DNAH7: variants seen among roughly 807,000 people sequenced by gnomAD.
DNAH7 encodes axonemal beta dynein heavy chain 7.
DNAH7 carries 397 observed loss-of-function variants against 444.6 expected under a neutral mutation model. That is an observed-to-expected ratio of 0.89 (90% CI 0.82 to 0.97). The LOEUF is 0.97. Among genes scored for constraint, DNAH7 ranks in the 50% least tolerant of loss-of-function variants. The pLI, the probability that DNAH7 is intolerant of heterozygous loss-of-function variation, is 0.00. For synonymous variants in DNAH7, 1,636 were observed against 1,624.4 expected (o/e 1.01, Z -0.17); for missense variants, 4,902 against 4,800.8 (o/e 1.02, Z -0.62).
At chr2:195,973,085 T>C (rs571949452) in intron 15 of DNAH7, among the ~76,000 whole-genome samples, 1 of 152,168 alleles carries the variant, frequency 6.6e-6, no homozygotes, top group African/African-American at 2.4e-5. Flanking sequence ...GAGGGCTGCA[T>C]GTGGAGAGAA....
At chr2:196,017,004 ATTTAAT>A (rs1165364509) in intron 9 of DNAH7, among the ~76,000 whole-genome samples, 1 of 152,084 alleles carries the variant, frequency 6.6e-6, no homozygotes, top group Non-Finnish European at 1.5e-5. Context: ...TTATTATTTT[ATTTAAT>A]TTTAATTTTA....
Position 195,883,453 on chromosome 2 carries a change from C to CCT in DNAH7, c.5763+1131_5763+1132insAG, listed in dbSNP as rs58086865. Among the ~76,000 whole-genome samples, 61 of 135,316 alleles carry CCT rather than the reference C, an allele frequency of 4.5e-4. 1 individual carries two copies. Among genetic ancestry groups the CCT allele is most frequent in the African/African-American group, 1.9e-3 (59 of 31,244 alleles). 88.8% of individuals were successfully genotyped at this position (135,316 alleles called of 152,430 possible). On this transcript the variant is annotated intron_variant, in intron 35 of 64. Transcript: ENST00000312428. ...ACACAGCGAGACTCAGTCCCCGCTC[C>CCT]CCCCCCCCAAAAAAAAAGAATCAGA...
At chr2:195,891,832 A>G (rs1702031525) in intron 30 of DNAH7, 28 bp from the exon 31 acceptor site, 2 of 1,519,524 alleles carry the variant, frequency 1.3e-6, no homozygotes, top group South Asian at 2.6e-5. Flanking sequence ...ACATTTATTT[A>G]TGTAAAGAAT....
chr2:195,951,038 TC>T (rs1690218138), intron 19 of DNAH7, among the ~76,000 whole-genome samples: 1 of 152,064 alleles, frequency 6.6e-6, no homozygotes, highest in East Asian at 1.9e-4. Context: ...AGGGTGTCTG[TC>T]GATTTTAGAT....
chr2:195,852,891 T>TACACACAC (rs4014237), intron 46 of DNAH7, among the ~76,000 whole-genome samples: 238 of 139,032 alleles, frequency 1.7e-3, no homozygotes, highest in African/African-American at 6.3e-3. Flanking sequence ...GCTGATGAAG[T>TACACACAC]ACACACACAC....
At chr2:195,882,751 T>C (rs1157855475) in intron 35 of DNAH7, among the ~76,000 whole-genome samples, 1 of 152,200 alleles carries the variant, frequency 6.6e-6, no homozygotes, top group Non-Finnish European at 1.5e-5. Context: ...CAGAATAAAA[T>C]CTAAATTCTT....
Position 195,778,649 on chromosome 2 carries a change from T to A in DNAH7, c.10879-664A>T, listed in dbSNP as rs867287661. Among the ~76,000 whole-genome samples the A allele has an allele frequency of 2.9e-3, 178 of 62,118 alleles. 19 individuals carry two copies. Among genetic ancestry groups the A allele is most frequent in the African/African-American group, 6.6e-3 (69 of 10,520 alleles). The allele number at this position is 62,118 out of a possible 152,430, so 40.8% of individuals were successfully genotyped here. On this transcript the variant is annotated intron_variant, in intron 58 of 64. Transcript: ENST00000312428. ...AAAAAAAAATAAATAAATAAATATA[T>A]ATATATATATATATATATATACACA...
intron 5 of DNAH7, among the ~76,000 whole-genome samples, chr2:196,030,026 A>C (rs1022319365): frequency 2.0e-5 from 3 of 152,176 alleles, no homozygotes; most frequent in Admixed American, 6.5e-5. Flanking sequence ...ATATTTCACA[A>C]ATTTCTGGAA....
At chr2:195,963,883 T>A (rs1343322844) in intron 17 of DNAH7, among the ~76,000 whole-genome samples, 1 of 152,246 alleles carries the variant, frequency 6.6e-6, no homozygotes, top group South Asian at 2.1e-4. Context: ...TCCCAAAGTA[T>A]GTCCTTGGCA....
At chr2:195,973,287 G>A (rs866565768) in intron 15 of DNAH7, among the ~76,000 whole-genome samples, 2 of 152,102 alleles carry the variant, frequency 1.3e-5, no homozygotes, top group Non-Finnish European at 2.9e-5. Context: ...AATACTTCTG[G>A]ACTACCATTC....
rs377538802 is a variant in DNAH7, at chr2:195,857,382, A to T, written c.8409T>A (p.Tyr2803Ter). Reference sequence around the variant, plus strand: ...TTCTTTTTATCAGCACTTACTTATCATATGAATCCATTGCTATGACCCATT... The same window carrying T: ...TTCTTTTTATCAGCACTTACTTATCTTATGAATCCATTGCTATGACCCATT... ...LCKWVIAMDS[Y>*]DKVAKIVAPK... The change falls in exon 44 of 65, where the codon TAT becomes TAA. Residue 2803 changes from tyrosine to a stop codon, truncating the protein, a stop_gained. Coordinates refer to ENST00000312428, the MANE Select transcript of DNAH7 (RefSeq NM_018897.3). LOFTEE classifies it high-confidence loss of function. 1.9e-6 allele frequency: 3 copies of T among 1,567,334 alleles called. No homozygotes were observed. Among genetic ancestry groups the T allele is most frequent in the Non-Finnish European group, 2.6e-6 (3 of 1,163,084 alleles).
At chr2:195,785,664 G>C (rs762844657) in intron 58 of DNAH7, among the ~76,000 whole-genome samples, 16 of 146,686 alleles carry the variant, frequency 1.1e-4, no homozygotes, top group Non-Finnish European at 2.1e-4. Context: ...TGCATCTATC[G>C]ATATGATCAT....
intron 9 of DNAH7, among the ~76,000 whole-genome samples, chr2:196,016,239 A>G (rs1471403146): frequency 6.6e-6 from 1 of 152,204 alleles, no homozygotes; most frequent in Non-Finnish European, 1.5e-5. Context: ...GTGGATATAA[A>G]AAAAAACGAT....
At position 195,809,819 on chromosome 2, in the gene DNAH7, G is replaced by A. The variant is rs771631595; in HGVS notation, c.9814C>T (p.Arg3272Trp). The change falls in exon 52 of 65, where the codon CGG (arginine) becomes TGG (tryptophan). Residue 3272 changes from arginine to tryptophan, a missense_variant. Arg to Trp is a moderately radical substitution (Grantham distance 101). Transcript: ENST00000312428. ...AGCTTATCCTTTTCAAAGAGTGACC[G>A]GCAGACATTAACATACAGTGAATAA... ...FTYSLYVNVC[R>W]SLFEKDKLLF... The A allele has an allele frequency of 2.3e-5, 37 of 1,597,064 alleles. No individual in the cohort carries two copies. In the Middle Eastern group the frequency reaches 6.6e-4, roughly 29 times the overall value.
chr2:195,939,819 A>G (rs953826060), intron 19 of DNAH7, among the ~76,000 whole-genome samples: 3 of 151,962 alleles, frequency 2.0e-5, no homozygotes, highest in African/African-American at 4.8e-5. Flanking sequence ...CATTTCTGCT[A>G]CTAGGAAGTT....
intron 64 of DNAH7, 54 bp from the exon 65 acceptor site, chr2:195,738,181 ATG>A: frequency 6.7e-7 from 1 of 1,498,026 alleles, no homozygotes; most frequent in Non-Finnish European, 9.2e-7. Context: ...TTAAATGTAC[ATG>A]TGTTTGAGCC....
chr2:195,799,426 G>A lies in DNAH7; in HGVS notation c.10223C>T (p.Ala3408Val), dbSNP rs762006396. The A allele has an allele frequency of 1.2e-6, 2 of 1,609,042 alleles. No individual in the cohort carries two copies. The highest frequency in any genetic ancestry group is 1.7e-6 in the Non-Finnish European group (2 of 1,177,738). ...QEFIINRLGR[A>V]FIEPPPFDLA... The stretch of plus-strand genomic sequence containing the variant: ...ATCAAAGGGGGGTGGTTCAATGAAT[G>A]CACGTCCCAATCTGTTGATTATAAA... Residue 3408 changes from alanine to valine, a missense_variant, in exon 55 of 65, where the codon GCA (alanine) becomes GTA (valine). Transcript: ENST00000312428.
rs775095911 is a variant in DNAH7, at chr2:195,824,244, T to G, written c.9291+11A>C. 5.0e-6 allele frequency: 8 copies of G among 1,595,080 alleles called. No homozygotes were observed. The highest frequency in any genetic ancestry group is 1.3e-5 in the African/African-American group (1 of 74,274). ...AAATCTGATAAAGAAACATTCATTT[T>G]ATATACTGGCCTTTACTGATGTTTC... On this transcript the variant is annotated intron_variant, in intron 49 of 64. Coordinates refer to ENST00000312428, the MANE Select transcript of DNAH7 (RefSeq NM_018897.3).
At chr2:195,990,651 C>G (rs915814355) in intron 12 of DNAH7, among the ~76,000 whole-genome samples, 1 of 150,716 alleles carries the variant, frequency 6.6e-6, no homozygotes, top group Non-Finnish European at 1.5e-5. Context: ...AGAGTAAGAC[C>G]CTGTCTCGAA....
Sources: allele counts gnomAD v4.1 joint callset (sites outside exome capture counted in the v4.1 genomes callset), GRCh38; gene constraint gnomAD v4.1.1; transcripts MANE v1.5; gene names NCBI Gene and HGNC (gene_info 2026-07-23, HGNC 2026-07-21).